HK1: variants seen among roughly 807,000 people sequenced by gnomAD.
The protein encoded by HK1 is hexokinase 1.
In HK1, 28 loss-of-function variants were observed where a neutral mutation model predicts 91.6. That is an observed-to-expected ratio of 0.31 (90% CI 0.23 to 0.42). HK1 has a LOEUF of 0.42. Ranked by LOEUF, HK1 falls within the 10% of genes least tolerant of loss-of-function variation. The pLI is 1.00. For missense variants in HK1, 770 were observed against 1,219.8 expected (o/e 0.63, Z 5.49); for synonymous variants, 430 against 468.1 (o/e 0.92, Z 1.05).
chr10:69,344,484 C>T (rs992871364), intron 2 of HK1, among the ~76,000 whole-genome samples: 1 of 152,206 alleles, frequency 6.6e-6, no homozygotes, highest in Non-Finnish European at 1.5e-5. Context: ...GACTTAAAGG[C>T]AGAGATTCCA....
chr10:69,316,276 A>G (rs1336360364), upstream of HK1, among the ~76,000 whole-genome samples: 1 of 152,202 alleles, frequency 6.6e-6, no homozygotes, highest in African/African-American at 2.4e-5. Flanking sequence ...TGGCTCTCTC[A>G]GGAAGGAGAG....
intron 16 of HK1, 34 bp downstream of exon 16, chr10:69,395,139 C>T (rs770773122): frequency 2.5e-6 from 4 of 1,608,648 alleles, no homozygotes; most frequent in Non-Finnish European, 2.5e-6. Flanking sequence ...CCAGCGCCCA[C>T]CCTTCAGAGG....
At chr10:69,270,608 G>T (rs1161128253) in intron 1 of HK1, among the ~76,000 whole-genome samples, 1 of 151,856 alleles carries the variant, frequency 6.6e-6, no homozygotes, top group East Asian at 1.9e-4. Context: ...GGAAGAGAGA[G>T]CATCTTTATC....
chr10:69,286,551 C>CTT (rs1257841880), intron 2 of HK1, among the ~76,000 whole-genome samples: 6 of 143,876 alleles, frequency 4.2e-5, no homozygotes, highest in Admixed American at 1.4e-4. Context: ...TCACGCTTTA[C>CTT]TTTTTTTTTT....
intron 2 of HK1, among the ~76,000 whole-genome samples, chr10:69,349,090 G>A (rs1383609988): frequency 6.6e-6 from 1 of 152,238 alleles, no homozygotes; most frequent in Non-Finnish European, 1.5e-5. Flanking sequence ...GGAGGCCCCA[G>A]TAGCAGGAAG....
At chr10:69,288,704 CAGA>C (rs2132453593) in exon 3 of HK1, 1 of 1,607,796 alleles carries the variant, frequency 6.2e-7, no homozygotes, top group Non-Finnish European at 8.5e-7. Flanking sequence ...AGTAGAAAAG[CAGA>C]AGAAAGGACC....
intron 2 of HK1, among the ~76,000 whole-genome samples, chr10:69,285,072 G>T (rs1043840410): frequency 3.3e-5 from 5 of 152,132 alleles, no homozygotes; most frequent in Middle Eastern, 3.4e-3. Flanking sequence ...GCCCACCTTG[G>T]CCTCCCCAAA....
chr10:69,343,819 C>A lies in HK1; in HGVS notation c.64-8C>A. 6 of 1,610,446 alleles carry A rather than the reference C, an allele frequency of 3.7e-6. No individual in the cohort carries two copies. Among genetic ancestry groups the A allele is most frequent in the Non-Finnish European group, 5.1e-6 (6 of 1,176,726 alleles). Reference sequence around the variant, plus strand: ...ACCTCACTCTCCTTCCTTCTCATCCCCCTCCAGATTGACAAGTATCTCTAT... The same window carrying A: ...ACCTCACTCTCCTTCCTTCTCATCCACCTCCAGATTGACAAGTATCTCTAT... On this transcript the variant is annotated splice_polypyrimidine_tract_variant and splice_region_variant and intron_variant, in intron 1 of 17. Transcript: ENST00000359426.
rs71009213 is a variant in HK1, at chr10:69,351,006, T to TAAAAA, written c.226+7032_226+7036dup. On this transcript the variant is annotated intron_variant, in intron 2 of 17. Coordinates refer to ENST00000359426, the MANE Select transcript of HK1 (RefSeq NM_000188.3). Reference sequence around the variant, plus strand: ...TAACACAGTGAAACCCCGTCTCTACTAAAAAAAAAAAAAAAAAAATTAGCT... The same window carrying TAAAAA: ...TAACACAGTGAAACCCCGTCTCTACTAAAAAAAAAAAAAAAAAAAAAAAATTAGCT... Among the ~76,000 whole-genome samples, 171 of 108,698 alleles carry TAAAAA rather than the reference T, an allele frequency of 1.6e-3. 1 individual carries two copies. Among genetic ancestry groups the TAAAAA allele is most frequent in the African/African-American group, 5.4e-3 (149 of 27,432 alleles). 71.3% of individuals were successfully genotyped at this position (108,698 alleles called of 152,430 possible).
At chr10:69,338,678 T>A in intron 1 of HK1, 1 of 1,180,106 alleles carries the variant, frequency 8.5e-7, no homozygotes, top group Non-Finnish European at 1.1e-6. Context: ...TATGGAGATG[T>A]GAGTGTGTGT....
At chr10:69,368,464 A>G in intron 4 of HK1, 72 bp from the exon 5 acceptor site, 1 of 1,304,808 alleles carries the variant, frequency 7.7e-7, no homozygotes, top group Non-Finnish European at 1.1e-6. Context: ...CCTGTCCTGG[A>G]GCAATGCCCA....
At chr10:69,287,483 C>T (rs998194121) in intron 2 of HK1, among the ~76,000 whole-genome samples, 2 of 152,152 alleles carry the variant, frequency 1.3e-5, no homozygotes, top group Non-Finnish European at 1.5e-5. Flanking sequence ...TCACACATTC[C>T]TCAGTACATA....
At chr10:69,352,545 G>A (rs1162422880) in intron 2 of HK1, among the ~76,000 whole-genome samples, 1 of 152,162 alleles carries the variant, frequency 6.6e-6, no homozygotes, top group Non-Finnish European at 1.5e-5. Flanking sequence ...TCATAAAAAG[G>A]AATGAGGTAC....
chr10:69,347,832 A>G (rs1320793408), intron 2 of HK1, among the ~76,000 whole-genome samples: 2 of 152,180 alleles, frequency 1.3e-5, no homozygotes, highest in African/African-American at 2.4e-5. Context: ...GGGTAAGGAT[A>G]AAGTTCTCCT....
chr10:69,368,350 C>T (rs553044538), intron 4 of HK1, among the ~76,000 whole-genome samples, 186 bp from the exon 5 acceptor site: 2 of 152,356 alleles, frequency 1.3e-5, no homozygotes, highest in South Asian at 4.1e-4. Flanking sequence ...CCCAGAGAAG[C>T]CCATTGTGTG....
At chr10:69,368,669 G>T (rs776289062) in intron 5 of HK1, 38 bp downstream of exon 5, 1 of 1,513,084 alleles carries the variant, frequency 6.6e-7, no homozygotes, top group Non-Finnish European at 9.2e-7. Context: ...GCCATGCAGG[G>T]GTGTGGGGAG....
chr10:69,376,107 CG>C, intron 7 of HK1, among the ~76,000 whole-genome samples: 1 of 152,134 alleles, frequency 6.6e-6, no homozygotes, highest in Non-Finnish European at 1.5e-5. Flanking sequence ...GTCCTGACAG[CG>C]GCCCCAGGGG....
Position 69,396,420 on chromosome 10 carries a change from A to G in HK1, c.2375+1315A>G, listed in dbSNP as rs116646590. On this transcript the variant is annotated intron_variant, in intron 16 of 17. Coordinates refer to ENST00000359426, the MANE Select transcript of HK1 (RefSeq NM_000188.3). ...ATTAAGTACATTCACATAGTCGCACAGCTATCACCACCATCCATTTCCGGA... is the reference window on the plus strand; with the variant it reads ...ATTAAGTACATTCACATAGTCGCACGGCTATCACCACCATCCATTTCCGGA... Among the ~76,000 whole-genome samples the G allele has an allele frequency of 8.6e-3, 1,305 of 152,268 alleles. 16 individuals carry two copies. The highest frequency in any genetic ancestry group is 0.03 in the African/African-American group (1,257 of 41,556).
upstream of HK1, chr10:69,318,238 A>G (rs971866617): frequency 6.1e-6 from 6 of 985,204 alleles, no homozygotes; most frequent in East Asian, 1.1e-4. Context: ...AGACCCAGGT[A>G]GGCCGGTGCG....
Sources: gnomAD v4.1 joint callset for allele counts (sites outside exome capture counted in the v4.1 genomes callset) on GRCh38, gnomAD v4.1.1 for gene constraint, MANE v1.5 for transcripts, NCBI Gene and HGNC (gene_info 2026-07-23, HGNC 2026-07-21) for gene names.